WRN: variants seen among roughly 807,000 people sequenced by gnomAD.
WRN encodes bifunctional 3'-5' exonuclease/ATP-dependent helicase WRN.
WRN carries 149 observed loss-of-function variants against 180.7 expected under a neutral mutation model. The ratio of observed to expected loss-of-function variants is 0.82; its 90% CI spans 0.72 to 0.94. WRN has a LOEUF of 0.94. Ranked by LOEUF, WRN falls within the 40% of genes least tolerant of loss-of-function variation. WRN has a pLI of 0.00. For missense variants in WRN, 1,661 were observed against 1,700.1 expected, an observed-to-expected ratio of 0.98 and a Z score of 0.40; for synonymous variants, 548 against 568.9, an observed-to-expected ratio of 0.96 and a Z score of 0.52.
At chr8:31,056,136 G>C (rs1812262439) in intron 1 of WRN, among the ~76,000 whole-genome samples, 1 of 152,192 alleles carries the variant, frequency 6.6e-6, no homozygotes, top group Admixed American at 6.5e-5. Context: ...AGTTATTGAA[G>C]TTTATTTCTG....
chr8:31,162,415 AG>A (rs1275243646), intron 33 of WRN, among the ~76,000 whole-genome samples: 2 of 152,280 alleles, frequency 1.3e-5, no homozygotes, highest in Non-Finnish European at 2.9e-5. Flanking sequence ...CCAGGTCTTC[AG>A]GGGCAGTCAT....
chr8:31,160,902 T>G (rs1288816681), intron 33 of WRN, among the ~76,000 whole-genome samples: 1 of 151,942 alleles, frequency 6.6e-6, no homozygotes, highest in Non-Finnish European at 1.5e-5. Context: ...GAGAATTGCT[T>G]GAACCCCCAT....
chr8:31,111,760 A>G lies in WRN; in HGVS notation c.2234A>G (p.Asn745Ser). ...LYLEVRRKTGNILQDLQPFLV... is the reference protein window; with the variant it reads ...LYLEVRRKTGSILQDLQPFLV... ...TTAGAAGTTAGGCGAAAAACAGGGA[A>G]TATCCTTCAGGATCTGCAGCCATTT... The change falls in exon 19 of 35, where the codon AAT becomes AGT. Residue 745 changes from asparagine to serine, a missense_variant. Transcript: ENST00000298139. 6.2e-7 allele frequency: 1 copy of G among 1,614,062 alleles called. No individual in the cohort carries two copies.
At chr8:31,038,514 G>T (rs1351283459) in intron 1 of WRN, among the ~76,000 whole-genome samples, 6 of 151,524 alleles carry the variant, frequency 4.0e-5, no homozygotes, top group African/African-American at 1.5e-4. Flanking sequence ...CCATTTTGTG[G>T]GTTTTCTTCA....
chr8:31,136,727 T>C (rs1343378143), intron 24 of WRN, among the ~76,000 whole-genome samples: 1 of 152,058 alleles, frequency 6.6e-6, no homozygotes, highest in Non-Finnish European at 1.5e-5. Context: ...TAGTCCTCCT[T>C]GTGGGAGGTT....
intron 11 of WRN, among the ~76,000 whole-genome samples, chr8:31,086,687 T>G (rs11574238): frequency 0.077 from 11,671 of 152,274 alleles, 507 homozygotes; most frequent in African/African-American, 0.13. Flanking sequence ...TTAGCATCTT[T>G]GATACTCGGT....
At chr8:31,073,065 T>C (rs1366694309) in intron 7 of WRN, among the ~76,000 whole-genome samples, 1 of 152,176 alleles carries the variant, frequency 6.6e-6, no homozygotes, top group Non-Finnish European at 1.5e-5. Flanking sequence ...TTCTTATTAA[T>C]GAAAATAAAT....
Position 31,064,782 on chromosome 8 carries a change from A to G in WRN, c.356-133A>G, listed in dbSNP as rs573284187. The stretch of plus-strand genomic sequence containing the variant: ...TGTTTGCTTTAGTTAAGAAATACTC[A>G]AGGTCAATGTGTTTCTGAATTTAAA... On this transcript the variant is annotated intron_variant, in intron 4 of 34. Coordinates refer to ENST00000298139, the MANE Select transcript of WRN (RefSeq NM_000553.6). The G allele has an allele frequency of 1.2e-5, 13 of 1,094,628 alleles. No individual in the cohort carries two copies. The Middle Eastern group carries it at 8.9e-4, about 75-fold the overall frequency. The allele number at this position is 1,094,628 out of a possible 1,614,324, so 67.8% of individuals were successfully genotyped here. A position where few individuals can be genotyped will look rare whatever the true frequency, so the allele number is the denominator to read the frequency against.
intron 11 of WRN, 58 bp downstream of exon 11, chr8:31,085,304 A>C: frequency 6.3e-7 from 1 of 1,582,698 alleles, no homozygotes; most frequent in Non-Finnish European, 8.7e-7. Flanking sequence ...CATTTAATTA[A>C]GTAAAATATT....
Position 31,075,733 on chromosome 8 carries a change from A to AT in WRN, c.725-440_725-439insT, listed in dbSNP as rs143170748. Among the ~76,000 whole-genome samples the AT allele has an allele frequency of 9.9e-3, 1,501 of 151,616 alleles. 27 individuals carry two copies. Among genetic ancestry groups the AT allele is most frequent in the African/African-American group, 0.035 (1,433 of 41,282 alleles). ...AGACTCTGTCTCAAAAAAAAAAAAA[A>AT]GGAAGGGCTTACATTTTATTTTGGT... On this transcript the variant is annotated intron_variant, in intron 7 of 34. Coordinates refer to ENST00000298139, the MANE Select transcript of WRN (RefSeq NM_000553.6).
chr8:31,071,239 G>A (rs1442064104), intron 7 of WRN, among the ~76,000 whole-genome samples: 1 of 151,974 alleles, frequency 6.6e-6, no homozygotes, highest in Non-Finnish European at 1.5e-5. Context: ...GATGGGCCAT[G>A]GTAAGGAGTT....
chr8:31,110,879 T>A (rs1989345), intron 18 of WRN, among the ~76,000 whole-genome samples: 125,486 of 152,114 alleles, frequency 0.82, 51,846 homozygotes, highest in East Asian at 0.89. Context: ...AAAACACGAG[T>A]TCTAGTTTTA....
intron 30 of WRN, among the ~76,000 whole-genome samples, chr8:31,150,001 C>T (rs946858358): frequency 3.9e-5 from 6 of 152,086 alleles, no homozygotes; most frequent in Admixed American, 2.0e-4. Flanking sequence ...GTTAAAGCCT[C>T]ATATTTTTCC....
intron 1 of WRN, among the ~76,000 whole-genome samples, chr8:31,044,166 C>G (rs1811761572): frequency 6.8e-6 from 1 of 147,828 alleles, no homozygotes; most frequent in Non-Finnish European, 1.5e-5. Flanking sequence ...CTCAGCCTCC[C>G]CAGCAGCTGG....
rs369776725 is a variant in WRN, at chr8:31,116,502, C to T, written c.2422C>T (p.His808Tyr). 1.6e-5 allele frequency: 26 copies of T among 1,613,786 alleles called. 1 individual carries two copies. In the African/African-American group the frequency reaches 3.3e-4, roughly 21 times the overall value. ...TTTTAGCACAAGGAAAGACATTCAT[C>T]ATAGGTTTGTAAGAGATGAAATTCA... ...MSFSTRKDIH[H>Y]RFVRDEIQCV... The change falls in exon 20 of 35, where the codon CAT (histidine) becomes TAT (tyrosine). Residue 808 changes from histidine to tyrosine, a missense_variant. By Grantham distance (83) the His-to-Tyr change is moderately conservative. Transcript: ENST00000298139.
chr8:31,171,655 C>G (rs1804106556), intron 34 of WRN: 1 of 152,126 alleles, frequency 6.6e-6, no homozygotes, highest in African/African-American at 2.4e-5. Context: ...GCCCTTTTTT[C>G]TACCCTGGAT....
intron 7 of WRN, among the ~76,000 whole-genome samples, chr8:31,071,644 G>C (rs775294420): frequency 6.6e-6 from 1 of 152,072 alleles, no homozygotes; most frequent in Admixed American, 6.5e-5. Flanking sequence ...ACCACGCCCA[G>C]CTAATTTTTG....
At chr8:31,150,536 A>T (rs937148190) in intron 31 of WRN, 81 bp downstream of exon 31, 10 of 1,194,806 alleles carry the variant, frequency 8.4e-6, no homozygotes, top group Non-Finnish European at 1.2e-5. Context: ...CAGAAGCAAC[A>T]TTTGCTCACT....
chr8:31,094,371 G>C (rs1192540822), intron 16 of WRN, among the ~76,000 whole-genome samples: 1 of 148,128 alleles, frequency 6.8e-6, no homozygotes, highest in Non-Finnish European at 1.5e-5. Context: ...TTTGAGTCAG[G>C]GTCTCCCTCT....
Sources: gnomAD v4.1 joint callset for allele counts (sites outside exome capture counted in the v4.1 genomes callset) on GRCh38, gnomAD v4.1.1 for gene constraint, MANE v1.5 for transcripts, NCBI Gene and HGNC (gene_info 2026-07-23, HGNC 2026-07-21) for gene names.